The following PCDHA1 variants were observed in gnomAD, a reference collection of about 807,000 sequenced individuals.
PCDHA1 encodes the protein protocadherin alpha-1.
In PCDHA1, 42 loss-of-function variants were observed where a neutral mutation model predicts 61.3. The observed-to-expected ratio is 0.69, with a 90% CI of 0.54 to 0.89. The LOEUF (loss-of-function observed/expected upper bound fraction) is 0.89, where lower values mean the gene tolerates loss of function less well. PCDHA1 is among the 40% of genes least tolerant of loss of function. The pLI, the probability that PCDHA1 is intolerant of heterozygous loss-of-function variation, is 0.00. For missense variants in PCDHA1, 1,256 were observed against 1,235.3 expected (o/e 1.02, Z -0.25); for synonymous variants, 610 against 553.8 (o/e 1.10, Z -1.43).
Position 140,788,695 on chromosome 5 carries a change from C to T in PCDHA1, c.2394+11C>T. On this transcript the variant is annotated intron_variant, in intron 1 of 3. Coordinates refer to ENST00000504120, the MANE Select transcript of PCDHA1 (RefSeq NM_018900.4). The stretch of plus-strand genomic sequence containing the variant: ...GATCTTTCTGGTAATGTAAGTCCAA[C>T]TTTCGAGTTTTGGCTTTAAATATTT... The T allele has an allele frequency of 6.5e-7, 1 of 1,532,900 alleles. No individual in the cohort carries two copies. The highest frequency in any genetic ancestry group is 8.8e-7 in the Non-Finnish European group (1 of 1,140,320). The allele number at this position is 1,532,900 out of a possible 1,614,324, so 95.0% of individuals were successfully genotyped here.
intron 3 of PCDHA1, among the ~76,000 whole-genome samples, chr5:140,991,824 A>T (rs1326935155): frequency 1.3e-5 from 2 of 152,240 alleles, no homozygotes; most frequent in Non-Finnish European, 2.9e-5. Context: ...TTAGGCATTT[A>T]TAACGGCAGA....
At chr5:140,797,114 T>C (rs782334581) in intron 1 of PCDHA1, 37 of 1,613,874 alleles carry the variant, frequency 2.3e-5, no homozygotes, top group African/African-American at 2.3e-4. Flanking sequence ...ACGGTGCTGC[T>C]GTACACTGCG....
intron 1 of PCDHA1, chr5:140,809,023 G>T: frequency 6.2e-7 from 1 of 1,613,728 alleles, no homozygotes; most frequent in Non-Finnish European, 8.5e-7. Flanking sequence ...ACGAGCTGCA[G>T]CCGGGGACTG....
At chr5:140,824,289 C>A in intron 1 of PCDHA1, 1 of 983,136 alleles carries the variant, frequency 1.0e-6, no homozygotes, top group African/African-American at 1.6e-5. Flanking sequence ...TTTTATGAGG[C>A]TTTTCTGCTG....
intron 1 of PCDHA1, among the ~76,000 whole-genome samples, chr5:140,938,665 G>A (rs542703903): frequency 7.1e-4 from 108 of 152,106 alleles, no homozygotes; most frequent in Admixed American, 1.2e-3. Context: ...ATTAGACTTA[G>A]TTTCCTAACA....
chr5:140,858,271 C>G (rs782492418), intron 1 of PCDHA1: 1 of 1,597,010 alleles, frequency 6.3e-7, no homozygotes, highest in Admixed American at 1.7e-5. Flanking sequence ...TGTGCTCTAG[C>G]GCGGTGGGGA....
chr5:140,856,440 G>A, intron 1 of PCDHA1: 1 of 1,598,404 alleles, frequency 6.3e-7, no homozygotes, highest in Non-Finnish European at 8.6e-7. Context: ...AACCCGCCCA[G>A]GTTCTCCGTA....
At chr5:140,867,507 C>A (rs190699676) in intron 1 of PCDHA1, 36 of 152,086 alleles carry the variant, frequency 2.4e-4, no homozygotes, top group African/African-American at 7.5e-4. Context: ...AGAACAAAAT[C>A]TCAAATTAAT....
chr5:140,972,280 T>C (rs1210047183), intron 1 of PCDHA1, among the ~76,000 whole-genome samples: 1 of 151,092 alleles, frequency 6.6e-6, no homozygotes, highest in South Asian at 2.1e-4. Context: ...GCTTGGACCA[T>C]AGATGTGCGC....
intron 1 of PCDHA1, among the ~76,000 whole-genome samples, chr5:140,880,397 A>C (rs1420314604): frequency 6.6e-6 from 1 of 152,246 alleles, no homozygotes; most frequent in Non-Finnish European, 1.5e-5. Context: ...TTTTAAGAGC[A>C]TATGGTTGAC....
At chr5:140,825,740 A>G (rs1768694817) in intron 1 of PCDHA1, 1 of 152,450 alleles carries the variant, frequency 6.6e-6, no homozygotes, top group South Asian at 2.1e-4. Flanking sequence ...TATATTGATG[A>G]GGAGTAACTG....
chr5:140,835,925 C>T lies in PCDHA1; in HGVS notation c.2394+47241C>T, dbSNP rs2150248432. On this transcript the variant is annotated intron_variant, in intron 1 of 3. Transcript: ENST00000504120. ...GCTACGTGTCAGTGCACGCGGAGAG[C>T]GGCAAGGTGTACGCGCTGCAGCCGT... 5 of 1,612,352 alleles carry T rather than the reference C, an allele frequency of 3.1e-6. No individual in the cohort carries two copies. The South Asian group carries it at 5.5e-5, about 18-fold the overall frequency.
At chr5:140,943,501 T>C (rs1235998322) in intron 1 of PCDHA1, among the ~76,000 whole-genome samples, 1 of 152,088 alleles carries the variant, frequency 6.6e-6, no homozygotes, top group Non-Finnish European at 1.5e-5. Flanking sequence ...GCTATCAAGG[T>C]TCATGGAAAT....
intron 1 of PCDHA1, chr5:140,884,248 G>A: frequency 1.2e-6 from 2 of 1,613,458 alleles, no homozygotes; most frequent in Non-Finnish European, 1.7e-6. Flanking sequence ...CCGCGCTGAC[G>A]GCCACGGCAA....
intron 1 of PCDHA1, chr5:140,796,170 G>T: frequency 6.2e-7 from 1 of 1,614,200 alleles, no homozygotes; most frequent in Middle Eastern, 1.6e-4. Context: ...CCACCTTCAA[G>T]AATTACTACT....
At chr5:140,795,696 AT>A (rs1554119543) in intron 1 of PCDHA1, 3 of 1,614,032 alleles carry the variant, frequency 1.9e-6, no homozygotes, top group Non-Finnish European at 2.5e-6. Context: ...CTTTTGCCCA[AT>A]CAGTTTACAA....
At chr5:140,884,068 T>A (rs1554181200) in intron 1 of PCDHA1, 1 of 1,613,416 alleles carries the variant, frequency 6.2e-7, no homozygotes. Context: ...TGGACGCCGA[T>A]TCGGGCTACA....
At chr5:140,842,993 G>C in intron 1 of PCDHA1, 1 of 1,595,048 alleles carries the variant, frequency 6.3e-7, no homozygotes, top group Non-Finnish European at 8.6e-7. Flanking sequence ...CGTGCTGGAC[G>C]AGAATGACAA....
intron 3 of PCDHA1, among the ~76,000 whole-genome samples, chr5:140,990,637 C>A (rs2097404568): frequency 6.6e-6 from 1 of 152,154 alleles, no homozygotes; most frequent in South Asian, 2.1e-4. Flanking sequence ...AGACTAGAAG[C>A]CTCAGCCAGT....
Sources: gnomAD v4.1 joint callset for allele counts (sites outside exome capture counted in the v4.1 genomes callset) on GRCh38, gnomAD v4.1.1 for gene constraint, MANE v1.5 for transcripts, NCBI Gene and HGNC (gene_info 2026-07-23, HGNC 2026-07-21) for gene names.